NFIA: variants seen among roughly 807,000 people sequenced by gnomAD.
NFIA encodes the protein nuclear factor 1 A-type.
A neutral mutation model predicts 62.8 loss-of-function variants in NFIA; 8 were observed. That is an observed-to-expected ratio of 0.13 (90% confidence interval 0.07 to 0.23). The LOEUF is 0.23. Among genes scored for constraint, NFIA ranks in the 10% least tolerant of loss-of-function variants. The pLI is 1.00. For missense variants in NFIA, 410 were observed against 642.1 expected, an observed-to-expected ratio of 0.64 and a Z score of 3.91; for synonymous variants, 235 against 238.1, an observed-to-expected ratio of 0.99 and a Z score of 0.12.
intron 2 of NFIA, among the ~76,000 whole-genome samples, chr1:61,179,424 G>A (rs947463952): frequency 6.6e-6 from 1 of 152,164 alleles, no homozygotes; most frequent in Non-Finnish European, 1.5e-5. Flanking sequence ...CAATTTGTTC[G>A]AGTCTCAGTT....
At chr1:61,442,897 T>C (rs1208681266) in intron 10 of NFIA, among the ~76,000 whole-genome samples, 2 of 152,216 alleles carry the variant, frequency 1.3e-5, no homozygotes, top group Non-Finnish European at 2.9e-5. Context: ...AAACCAGTTT[T>C]ATCATCCATT....
intron 6 of NFIA, among the ~76,000 whole-genome samples, chr1:61,381,408 A>G (rs1413880065): frequency 6.6e-6 from 1 of 152,152 alleles, no homozygotes; most frequent in Non-Finnish European, 1.5e-5. Flanking sequence ...TGCATCCTAC[A>G]TTAGAACTTT....
At chr1:61,241,485 A>G (rs543625266) in intron 2 of NFIA, among the ~76,000 whole-genome samples, 2 of 152,202 alleles carry the variant, frequency 1.3e-5, no homozygotes, top group East Asian at 3.9e-4. Flanking sequence ...ACTATTTTTA[A>G]CTAGCGTTCT....
intron 3 of NFIA, among the ~76,000 whole-genome samples, chr1:61,318,561 C>A (rs576675869): frequency 6.6e-6 from 1 of 152,126 alleles, no homozygotes; most frequent in Non-Finnish European, 1.5e-5. Flanking sequence ...GCTTGGCAGA[C>A]GCTCCCATGA....
At chr1:61,106,261 C>G (rs1037294516) in intron 2 of NFIA, among the ~76,000 whole-genome samples, 1 of 151,686 alleles carries the variant, frequency 6.6e-6, no homozygotes. Flanking sequence ...AGCCCCTTCT[C>G]AAGAATGGAA....
At chr1:61,312,840 G>T (rs1660188289) in intron 3 of NFIA, among the ~76,000 whole-genome samples, 1 of 151,608 alleles carries the variant, frequency 6.6e-6, no homozygotes, top group African/African-American at 2.4e-5. Context: ...TACAATAAGG[G>T]TTATTCTATT....
At chr1:61,348,030 C>A (rs960655229) in intron 4 of NFIA, among the ~76,000 whole-genome samples, 3 of 152,184 alleles carry the variant, frequency 2.0e-5, no homozygotes, top group Non-Finnish European at 4.4e-5. Flanking sequence ...CAAAACATGG[C>A]ATCATGGGTG....
At chr1:61,103,949 T>G (rs994009305) in intron 2 of NFIA, among the ~76,000 whole-genome samples, 1 of 152,138 alleles carries the variant, frequency 6.6e-6, no homozygotes, top group Non-Finnish European at 1.5e-5. Flanking sequence ...GTTTTTCCCT[T>G]TAAGATCCTG....
At chr1:61,342,090 C>T (rs991093214) in intron 4 of NFIA, among the ~76,000 whole-genome samples, 20 of 152,118 alleles carry the variant, frequency 1.3e-4, no homozygotes, top group African/African-American at 4.8e-4. Context: ...TGGAACTGAA[C>T]TAATCCAGTG....
chr1:61,142,111 G>A (rs1314045405), intron 2 of NFIA, among the ~76,000 whole-genome samples: 1 of 151,646 alleles, frequency 6.6e-6, no homozygotes, highest in Non-Finnish European at 1.5e-5. Context: ...AAAAAAAATT[G>A]TGCTTTTGGC....
intron 2 of NFIA, among the ~76,000 whole-genome samples, chr1:61,274,921 A>G (rs1460976843): frequency 1.3e-5 from 2 of 152,162 alleles, no homozygotes; most frequent in Non-Finnish European, 2.9e-5. Context: ...TTCTTGGCTG[A>G]AAAAGAAAAT....
intron 2 of NFIA, among the ~76,000 whole-genome samples, chr1:61,180,372 T>C (rs1650680177): frequency 6.6e-6 from 1 of 152,252 alleles, no homozygotes; most frequent in South Asian, 2.1e-4. Flanking sequence ...AACCTCACTA[T>C]TGATTGGCTG....
chr1:61,387,470 T>G lies in NFIA; in HGVS notation c.1075+4105T>G, dbSNP rs75998667. On this transcript the variant is annotated intron_variant, in intron 7 of 10. Transcript: ENST00000403491. ...CCCCAGATCAGCTCAAGCACTTTCT[T>G]TTTTTTTTTTTTTTTTTTTTTGAGA... Among the ~76,000 whole-genome samples, 52 of 23,858 alleles carry G rather than the reference T, an allele frequency of 2.2e-3. No homozygotes were observed. In the East Asian group the frequency reaches 0.029, roughly 13 times the overall value. The allele number at this position is 23,858 out of a possible 152,430, so 15.7% of individuals were successfully genotyped here.
At chr1:61,396,449 G>A (rs1362654590) in intron 7 of NFIA, among the ~76,000 whole-genome samples, 1 of 152,082 alleles carries the variant, frequency 6.6e-6, no homozygotes, top group Non-Finnish European at 1.5e-5. Context: ...ATCTCACTGT[G>A]TTGCCCAGGG....
intron 9 of NFIA, among the ~76,000 whole-genome samples, chr1:61,412,596 G>A (rs536312238): frequency 9.3e-4 from 142 of 152,316 alleles, no homozygotes; most frequent in Admixed American, 3.5e-3. Flanking sequence ...CTCTGGGTGA[G>A]GGGTGGAGAT....
chr1:61,336,026 G>A (rs1363811829), intron 4 of NFIA, among the ~76,000 whole-genome samples: 2 of 152,048 alleles, frequency 1.3e-5, no homozygotes, highest in Non-Finnish European at 2.9e-5. Flanking sequence ...TCCTCCCATG[G>A]TTGGTGTTAC....
At chr1:61,181,550 T>C (rs557953096) in intron 2 of NFIA, among the ~76,000 whole-genome samples, 3 of 152,376 alleles carry the variant, frequency 2.0e-5, no homozygotes, top group African/African-American at 7.2e-5. Flanking sequence ...TTTAACATTT[T>C]ATCATACAAA....
chr1:61,182,612 A>T (rs2100562785), intron 2 of NFIA, among the ~76,000 whole-genome samples: 1 of 152,360 alleles, frequency 6.6e-6, no homozygotes, highest in Non-Finnish European at 1.5e-5. Context: ...TCCGTTAAAC[A>T]AATGTGTATT....
intron 6 of NFIA, among the ~76,000 whole-genome samples, chr1:61,364,414 G>T (rs1038693575): frequency 6.6e-6 from 1 of 152,158 alleles, no homozygotes; most frequent in African/African-American, 2.4e-5. Context: ...ATAAAGCAGA[G>T]AATTTGGGGT....
Sources: allele counts gnomAD v4.1 joint callset (sites outside exome capture counted in the v4.1 genomes callset), GRCh38; gene constraint gnomAD v4.1.1; transcripts MANE v1.5; gene names NCBI Gene and HGNC (gene_info 2026-07-23, HGNC 2026-07-21).